The following SPATC1 variants were observed in gnomAD, a reference collection of about 807,000 sequenced individuals.
SPATC1 encodes the protein spermatogenesis and centriole associated 1.
In SPATC1, 35 loss-of-function variants were observed where a neutral mutation model predicts 36.5. The observed-to-expected ratio is 0.96, with a 90% confidence interval of 0.73 to 1.27. The LOEUF (loss-of-function observed/expected upper bound fraction) is 1.27. SPATC1 is among the 50% of genes most tolerant of loss of function. The pLI is 0.00. For missense variants in SPATC1, 779 were observed against 796.0 expected (o/e 0.98, Z 0.26); for synonymous variants, 361 against 353.6 (o/e 1.02, Z -0.24).
chr8:144,043,253 C>T (rs1335927509), intron 4 of SPATC1, among the ~76,000 whole-genome samples: 1 of 151,548 alleles, frequency 6.6e-6, no homozygotes, highest in Admixed American at 6.6e-5. Flanking sequence ...CCTCTGCCTC[C>T]AAAAGTGCTG....
At position 144,015,753 on chromosome 8, in the gene SPATC1, A is replaced by G. The variant is rs192033876; in HGVS notation, c.211+3027A>G. Among the ~76,000 whole-genome samples, 946 of 150,040 alleles carry G rather than the reference A, an allele frequency of 6.3e-3. 6 individuals carry two copies. The highest frequency in any genetic ancestry group is 0.022 in the African/African-American group (892 of 40,948). On this transcript the variant is annotated intron_variant, in intron 1 of 4. Transcript: ENST00000377470. ...GAGACTCTGTCTCAAAAAAAAAAAAAAAAAGAAAAGAAAAAAGAAAAAATA... is the reference window on the plus strand; with the variant it reads ...GAGACTCTGTCTCAAAAAAAAAAAAGAAAAGAAAAGAAAAAAGAAAAAATA...
chr8:144,044,555 G>A (rs1049873087), intron 4 of SPATC1, among the ~76,000 whole-genome samples: 15 of 150,082 alleles, frequency 1.0e-4, no homozygotes, highest in Middle Eastern at 3.4e-3. Context: ...TGATCCGCCC[G>A]CCTCAGCCTC....
intron 1 of SPATC1, among the ~76,000 whole-genome samples, chr8:144,028,669 G>A (rs1464539060): frequency 3.9e-5 from 6 of 152,300 alleles, no homozygotes; most frequent in Non-Finnish European, 8.8e-5. Context: ...CCTAGAACCA[G>A]AAATACCATT....
At chr8:144,017,943 C>T (rs906789801) in intron 1 of SPATC1, among the ~76,000 whole-genome samples, 1 of 152,098 alleles carries the variant, frequency 6.6e-6, no homozygotes, top group Non-Finnish European at 1.5e-5. Flanking sequence ...GCACTATGAG[C>T]CTGAAGCTCG....
chr8:144,016,942 A>G lies in SPATC1; in HGVS notation c.211+4216A>G, dbSNP rs1554753306. On this transcript the variant is annotated intron_variant, in intron 1 of 4. Transcript: ENST00000377470. This position sits in a 1 kb window ranked among gnomAD's most constrained non-coding sequence, Gnocchi z 4.5. ...GCATGAGCCACCACACCCGCCTGAC[A>G]CTGGTGGTTTGTAACAGAGAATAAT... Among the ~76,000 whole-genome samples the G allele has an allele frequency of 6.6e-6, 1 of 152,124 alleles. No individual in the cohort carries two copies. The highest frequency in any genetic ancestry group is 2.4e-5 in the African/African-American group (1 of 41,418).
chr8:144,036,832 C>T (rs1271502678), intron 1 of SPATC1, among the ~76,000 whole-genome samples: 4 of 151,706 alleles, frequency 2.6e-5, no homozygotes, highest in South Asian at 2.1e-4. Flanking sequence ...TCAGGGAACA[C>T]GGGAATCGAT....
chr8:144,044,497 A>G (rs1368711935), intron 4 of SPATC1, among the ~76,000 whole-genome samples: 11 of 149,384 alleles, frequency 7.4e-5, no homozygotes, highest in Non-Finnish European at 1.2e-4. Flanking sequence ...TTTAGTAAAG[A>G]CGGGGTTTCA....
intron 1 of SPATC1, among the ~76,000 whole-genome samples, chr8:144,018,797 C>G (rs1242685093): frequency 2.7e-5 from 4 of 148,776 alleles, no homozygotes; most frequent in Non-Finnish European, 5.9e-5. Flanking sequence ...TTTGGAAGGC[C>G]GAGCCGGGCA....
intron 1 of SPATC1, among the ~76,000 whole-genome samples, chr8:144,014,560 A>C (rs1834345707): frequency 6.6e-6 from 1 of 152,132 alleles, no homozygotes; most frequent in African/African-American, 2.4e-5. Context: ...AGGCTAACCA[A>C]GCAAGCCCTC....
Position 144,042,838 on chromosome 8 carries a change from G to A in SPATC1, c.1446+1467G>A, listed in dbSNP as rs1239462942. Among the ~76,000 whole-genome samples the A allele has an allele frequency of 4.0e-5, 6 of 151,732 alleles. No homozygotes were observed. In the East Asian group the frequency reaches 5.9e-4, roughly 15 times the overall value. On this transcript the variant is annotated intron_variant, in intron 4 of 4. Transcript: ENST00000377470. ...CCTGTGTGCGAGAGGACTTCTTCAC[G>A]GCCTTTCCCTATTGCAATTTTTTTT...
intron 1 of SPATC1, among the ~76,000 whole-genome samples, chr8:144,018,505 G>C (rs1389081082): frequency 2.0e-5 from 3 of 152,086 alleles, no homozygotes; most frequent in Non-Finnish European, 4.4e-5. Flanking sequence ...GAGGCCAGGA[G>C]AGACTGTTGG....
intron 3 of SPATC1, 43 bp from the exon 4 acceptor site, chr8:144,041,189 C>T (rs368439672): frequency 6.8e-6 from 11 of 1,609,792 alleles, no homozygotes; most frequent in Non-Finnish European, 8.5e-6. Context: ...AGCCCAGCTC[C>T]TCTCACCCTC....
At chr8:144,023,323 TCTCCCCTCAGGATCCTCTCCCCTC>T (rs1834590326) in intron 1 of SPATC1, among the ~76,000 whole-genome samples, 2 of 106,812 alleles carry the variant, frequency 1.9e-5, no homozygotes, top group African/African-American at 3.5e-5. Flanking sequence ...CTGAGGAACC[TCTCCCCTCAGGATCCTCTCCCCTC>T]AGGACCCTCT....
At chr8:144,038,631 G>T (rs111563004) in intron 1 of SPATC1, among the ~76,000 whole-genome samples, 17,861 of 151,766 alleles carry the variant, frequency 0.12, 3,006 homozygotes, top group African/African-American at 0.37. Flanking sequence ...TGTGCCACCA[G>T]GCCCAGCTAA....
rs1311916317 is a variant in SPATC1, at chr8:144,016,006, G to A, written c.211+3280G>A. ...GAACCCGGGAGGCGGAGCTTGCAGT[G>A]AGCAGAGATGGCGCCACTGCACTCC... On this transcript the variant is annotated intron_variant, in intron 1 of 4. Coordinates refer to ENST00000377470, the MANE Select transcript of SPATC1 (RefSeq NM_198572.3). The surrounding 1 kb of genome is among the most constrained non-coding windows in gnomAD (Gnocchi z 4.5). 1.3e-5 allele frequency among the ~76,000 whole-genome samples: 2 copies of A among 148,778 alleles called. No homozygotes were observed. Among genetic ancestry groups the A allele is most frequent in the African/African-American group, 5.0e-5 (2 of 40,138 alleles).
chr8:144,024,672 T>G (rs1445821268), intron 1 of SPATC1, among the ~76,000 whole-genome samples: 1 of 147,552 alleles, frequency 6.8e-6, no homozygotes, highest in Non-Finnish European at 1.5e-5. Flanking sequence ...CAAGACCCTC[T>G]CTCCTCAGGA....
chr8:144,044,509 A>T (rs1171232418), intron 4 of SPATC1, among the ~76,000 whole-genome samples: 1 of 148,850 alleles, frequency 6.7e-6, no homozygotes, highest in African/African-American at 2.5e-5. Context: ...GGGGTTTCAC[A>T]GTGTTCGCCA....
chr8:144,034,682 C>T (rs1274709371), intron 1 of SPATC1, among the ~76,000 whole-genome samples: 1 of 151,842 alleles, frequency 6.6e-6, no homozygotes, highest in Non-Finnish European at 1.5e-5. Flanking sequence ...AGTGGAATGC[C>T]ACACTCTTGG....
At chr8:144,018,901 G>A (rs1452987335) in intron 1 of SPATC1, among the ~76,000 whole-genome samples, 1 of 145,852 alleles carries the variant, frequency 6.9e-6, no homozygotes, top group Non-Finnish European at 1.5e-5. Context: ...AAAAAAGCAG[G>A]CATGGTGGCG....
Sources: gnomAD v4.1 joint callset for allele counts (sites outside exome capture counted in the v4.1 genomes callset) on GRCh38, gnomAD v4.1.1 for gene constraint, Gnocchi (gnomAD v3.1) non-coding constraint, MANE v1.5 for transcripts, NCBI Gene and HGNC (gene_info 2026-07-23, HGNC 2026-07-21) for gene names.